The following VDAC1 variants were observed in gnomAD, a reference collection of about 807,000 sequenced individuals.
VDAC1 encodes the protein voltage dependent anion channel 1, also known as non-selective voltage-gated ion channel VDAC1.
VDAC1 carries 10 observed loss-of-function variants against 34.7 expected under a neutral mutation model. The ratio of observed to expected loss-of-function variants is 0.29; its 90% CI spans 0.18 to 0.49. VDAC1 has a LOEUF of 0.49. Among genes scored for constraint, VDAC1 ranks in the 20% least tolerant of loss-of-function variants. The pLI is 0.99. For synonymous variants in VDAC1, 130 were observed against 136.0 expected (o/e 0.96, Z 0.30); for missense variants, 230 against 347.9 (o/e 0.66, Z 2.69).
intron 7 of VDAC1, among the ~76,000 whole-genome samples, chr5:133,975,219 A>G (rs962908022): frequency 1.3e-5 from 2 of 152,178 alleles, no homozygotes; most frequent in Non-Finnish European, 2.9e-5. Flanking sequence ...AGTGAGCTGC[A>G]ATTACACCAC....
the VDAC1 span, among the ~76,000 whole-genome samples, chr5:134,112,173 A>G: frequency 2.0e-5 from 3 of 152,182 alleles, no homozygotes; most frequent in Non-Finnish European, 2.9e-5. Context: ...CCAGGCCCAC[A>G]TGAAATCTAC....
chr5:133,985,727 G>A (rs979191381), intron 5 of VDAC1, among the ~76,000 whole-genome samples: 20 of 152,230 alleles, frequency 1.3e-4, no homozygotes, highest in African/African-American at 4.6e-4. Flanking sequence ...CCAAGTATGT[G>A]ATTGGCACCA....
chr5:134,098,236 C>A, the VDAC1 span, among the ~76,000 whole-genome samples: 1 of 150,448 alleles, frequency 6.6e-6, no homozygotes, highest in African/African-American at 2.5e-5. Flanking sequence ...GCTCTGTCAC[C>A]CAGGCCGCAG....
the VDAC1 span, among the ~76,000 whole-genome samples, chr5:134,068,807 C>T: frequency 2.0e-5 from 3 of 152,164 alleles, no homozygotes; most frequent in South Asian, 2.1e-4. Context: ...TGTCTTCTGC[C>T]GAAATTAATA....
At chr5:134,001,546 C>A (rs867336023) in intron 1 of VDAC1, among the ~76,000 whole-genome samples, 6 of 152,022 alleles carry the variant, frequency 3.9e-5, no homozygotes, top group African/African-American at 1.4e-4. Context: ...GAAACCCCAT[C>A]TCTACTAAAA....
chr5:133,980,839 C>T lies in VDAC1; in HGVS notation c.441G>A (p.Glu147=). ...TCATCTGGTAGCCGGCCAGCCAGCC[C>T]TCGTAACCTAGCACCAGAGCACCCC... The part of the protein sequence containing the change: ...SIRGALVLGY[E]GWLAGYQMNF... The change falls in exon 6 of 9, where the codon GAG becomes GAA. Residue 147 remains glutamate, a synonymous_variant. Coordinates refer to ENST00000265333, the MANE Select transcript of VDAC1 (RefSeq NM_003374.3). The T allele has an allele frequency of 6.2e-7, 1 of 1,613,784 alleles. No homozygotes were observed. Among genetic ancestry groups the T allele is most frequent in the Non-Finnish European group, 8.5e-7 (1 of 1,179,918 alleles).
chr5:133,985,958 G>C (rs1246315500), intron 5 of VDAC1, among the ~76,000 whole-genome samples: 1 of 152,180 alleles, frequency 6.6e-6, no homozygotes, highest in African/African-American at 2.4e-5. Flanking sequence ...CTGTCTCACT[G>C]GATTCTGGCC....
the VDAC1 span, among the ~76,000 whole-genome samples, chr5:134,047,776 C>A: frequency 6.6e-6 from 1 of 152,170 alleles, no homozygotes; most frequent in Non-Finnish European, 1.5e-5. Flanking sequence ...AGTGCTGTCA[C>A]CACAGGGCAA....
the VDAC1 span, among the ~76,000 whole-genome samples, chr5:134,044,112 C>G: frequency 1.3e-5 from 2 of 152,188 alleles, no homozygotes; most frequent in African/African-American, 2.4e-5. Context: ...TACCCTGCCT[C>G]CCATCCCCAT....
At chr5:134,014,919 TCA>T in the VDAC1 span, among the ~76,000 whole-genome samples, 1 of 152,130 alleles carries the variant, frequency 6.6e-6, no homozygotes, top group Non-Finnish European at 1.5e-5. Context: ...TGTAGGTTTG[TCA>T]CAGCGTGATT....
the VDAC1 span, among the ~76,000 whole-genome samples, chr5:134,097,381 CCTCTAACTTAT>C: frequency 3.3e-5 from 5 of 152,196 alleles, no homozygotes; most frequent in Non-Finnish European, 5.9e-5. Context: ...GCTCTGTTTG[CCTCTAACTTAT>C]CTCTATGGCA....
upstream of VDAC1, among the ~76,000 whole-genome samples, chr5:134,008,102 G>C (rs552016853): frequency 8.1e-4 from 123 of 152,214 alleles, 1 homozygote; most frequent in Non-Finnish European, 1.4e-3. Flanking sequence ...TTAGAGCCCT[G>C]TATACCTCTC....
chr5:133,996,585 C>T (rs1404648711), intron 1 of VDAC1, among the ~76,000 whole-genome samples: 2 of 151,930 alleles, frequency 1.3e-5, no homozygotes, highest in Non-Finnish European at 2.9e-5. Context: ...CACCTACCCC[C>T]AAAATCACCT....
At chr5:134,004,292 G>C (rs1580736237) in intron 1 of VDAC1, among the ~76,000 whole-genome samples, 1 of 151,988 alleles carries the variant, frequency 6.6e-6, no homozygotes, top group East Asian at 1.9e-4. Context: ...TCCAGGGCCA[G>C]AGGGCGCCGC....
At chr5:134,047,813 T>A in the VDAC1 span, among the ~76,000 whole-genome samples, 1 of 152,158 alleles carries the variant, frequency 6.6e-6, no homozygotes, top group African/African-American at 2.4e-5. Flanking sequence ...GAAGGGGATG[T>A]CGCGGGGCAG....
At chr5:134,077,578 A>G in the VDAC1 span, among the ~76,000 whole-genome samples, 3 of 152,284 alleles carry the variant, frequency 2.0e-5, no homozygotes, top group South Asian at 6.2e-4. Context: ...ATAAACCATC[A>G]TGATCGGAAC....
chr5:134,020,105 C>T, the VDAC1 span, among the ~76,000 whole-genome samples: 1 of 151,894 alleles, frequency 6.6e-6, no homozygotes, highest in African/African-American at 2.4e-5. Context: ...GGTATGCTGA[C>T]CATCAGGATT....
At chr5:133,992,398 G>C in intron 2 of VDAC1, 43 bp from the exon 3 acceptor site, 2 of 1,480,424 alleles carry the variant, frequency 1.4e-6, no homozygotes, top group Non-Finnish European at 1.8e-6. Flanking sequence ...TAAATAACTA[G>C]AGAACAGCAC....
chr5:134,077,883 G>A, the VDAC1 span, among the ~76,000 whole-genome samples: 1 of 152,220 alleles, frequency 6.6e-6, no homozygotes, highest in Non-Finnish European at 1.5e-5. Flanking sequence ...AGAAGGATAT[G>A]AAAGGTATTC....
Sources: gnomAD v4.1 joint callset for allele counts (sites outside exome capture counted in the v4.1 genomes callset) on GRCh38, gnomAD v4.1.1 for gene constraint, MANE v1.5 for transcripts, NCBI Gene and HGNC (gene_info 2026-07-23, HGNC 2026-07-21) for gene names.